The following MAD1L1 variants were observed in gnomAD, a reference collection of about 807,000 sequenced individuals.
MAD1L1 encodes mitotic spindle assembly checkpoint protein MAD1.
MAD1L1 carries 95 observed loss-of-function variants against 96.9 expected under a neutral mutation model. The observed-to-expected ratio is 0.98, with a 90% CI of 0.83 to 1.16. The LOEUF is 1.16. Among genes scored for constraint, MAD1L1 ranks in the 50% most tolerant of loss-of-function variants. MAD1L1 has a pLI of 0.00. For synonymous variants in MAD1L1, 473 were observed against 396.6 expected, an observed-to-expected ratio of 1.19 and a Z score of -2.29; for missense variants, 1,007 against 954.4, an observed-to-expected ratio of 1.06 and a Z score of -0.73.
chr7:1,860,992 C>A (rs373455791), intron 18 of MAD1L1, among the ~76,000 whole-genome samples: 1 of 152,200 alleles, frequency 6.6e-6, no homozygotes, highest in South Asian at 2.1e-4. Context: ...GCAGCTGCCC[C>A]GATGGAGTCC....
intron 11 of MAD1L1, among the ~76,000 whole-genome samples, chr7:2,115,677 C>A (rs1010378642): frequency 6.6e-6 from 1 of 152,252 alleles, no homozygotes; most frequent in South Asian, 2.1e-4. Flanking sequence ...TGTGGACACT[C>A]AGTCTGCATG....
At chr7:1,864,701 G>A (rs182611529) in intron 18 of MAD1L1, among the ~76,000 whole-genome samples, 2 of 152,314 alleles carry the variant, frequency 1.3e-5, no homozygotes, top group Admixed American at 6.5e-5. Flanking sequence ...CCTAACCGGA[G>A]GTGTTTGGCC....
chr7:1,874,170 G>A (rs937527402), intron 18 of MAD1L1, among the ~76,000 whole-genome samples: 1 of 152,204 alleles, frequency 6.6e-6, no homozygotes. Context: ...AGCAGACAGT[G>A]GCTGGCGCCA....
chr7:1,874,692 C>G, intron 18 of MAD1L1: 1 of 367,632 alleles, frequency 2.7e-6, no homozygotes, highest in South Asian at 2.1e-5. Flanking sequence ...GCTACCTGCT[C>G]GATTGGGGCC....
At position 1,855,476 on chromosome 7, in the gene MAD1L1, G is replaced by A. The variant is rs1369085193; in HGVS notation, c.1999-39248C>T. Among the ~76,000 whole-genome samples the A allele has an allele frequency of 2.0e-5, 3 of 152,146 alleles. No individual in the cohort carries two copies. In the East Asian group the frequency reaches 5.8e-4, roughly 30 times the overall value. Reference sequence around the variant, plus strand: ...AGGCTGCACCTCAACGCCTGGCCTGGAAAGAGCTGTGGCCAAATCTCCAGT... The same window carrying A: ...AGGCTGCACCTCAACGCCTGGCCTGAAAAGAGCTGTGGCCAAATCTCCAGT... On this transcript the variant is annotated intron_variant, in intron 18 of 18. Coordinates refer to ENST00000265854, the MANE Select transcript of MAD1L1 (RefSeq NM_001013836.2).
At chr7:1,913,211 CG>C (rs1788132216) in intron 17 of MAD1L1, among the ~76,000 whole-genome samples, 1 of 152,010 alleles carries the variant, frequency 6.6e-6, no homozygotes, top group African/African-American at 2.4e-5. Context: ...GCAGGAGACT[CG>C]GGAAGAGGAC....
chr7:2,219,391 C>CCGCATCTCCTGGTCCATCA lies in MAD1L1; in HGVS notation c.518_536dup (p.Val180AspfsTer53). On this transcript the variant is annotated frameshift_variant, in exon 6 of 19. Coordinates refer to ENST00000265854, the MANE Select transcript of MAD1L1 (RefSeq NM_001013836.2). LOFTEE classifies it high-confidence loss of function. Reference sequence around the variant, plus strand: ...GCTTCTCCGACTCCAGGCGCTTCACCCGCATCTCCTGGTCCATCACGCTCC... The same window carrying CCGCATCTCCTGGTCCATCA: ...GCTTCTCCGACTCCAGGCGCTTCACCCGCATCTCCTGGTCCATCACGCATCTCCTGGTCCATCACGCTCC... 6.2e-7 allele frequency: 1 copy of CCGCATCTCCTGGTCCATCA among 1,610,998 alleles called. No individual in the cohort carries two copies. The highest frequency in any genetic ancestry group is 1.1e-5 in the South Asian group (1 of 90,216).
intron 10 of MAD1L1, among the ~76,000 whole-genome samples, chr7:2,166,131 G>T (rs191842965): frequency 6.6e-6 from 1 of 152,184 alleles, no homozygotes; most frequent in East Asian, 1.9e-4. Flanking sequence ...CTGTGACGTG[G>T]TCCATCCAGA....
At chr7:2,187,915 CAATAAT>C (rs1791536531) in intron 10 of MAD1L1, among the ~76,000 whole-genome samples, 1 of 152,124 alleles carries the variant, frequency 6.6e-6, no homozygotes, top group South Asian at 2.1e-4. Context: ...TATTTGTTGA[CAATAAT>C]AAAACTCAAG....
At chr7:1,906,235 C>G (rs73048140) in intron 17 of MAD1L1, among the ~76,000 whole-genome samples, 5,077 of 152,242 alleles carry the variant, frequency 0.033, 197 homozygotes, top group Admixed American at 0.096. Flanking sequence ...GAACCCCAAG[C>G]AGCCTCTTCC....
At chr7:1,825,502 T>C (rs1562429232) in intron 18 of MAD1L1, among the ~76,000 whole-genome samples, 1 of 152,254 alleles carries the variant, frequency 6.6e-6, no homozygotes, top group African/African-American at 2.4e-5. Context: ...CTACCTGTCA[T>C]AGGGCTGCTG....
chr7:2,230,520 G>C (rs1442779755), intron 2 of MAD1L1, 29 bp downstream of exon 2: 1 of 194,028 alleles, frequency 5.2e-6, no homozygotes, highest in Admixed American at 5.3e-5. Context: ...AGACACAAGA[G>C]AAGGGCTTTA....
intron 12 of MAD1L1, among the ~76,000 whole-genome samples, chr7:2,022,321 T>C (rs1053305695): frequency 3.3e-5 from 5 of 152,210 alleles, no homozygotes; most frequent in African/African-American, 1.2e-4. Flanking sequence ...CTTAGATTCA[T>C]GCTAAATGTA....
intron 10 of MAD1L1, among the ~76,000 whole-genome samples, chr7:2,165,650 A>G (rs76301350): frequency 0.019 from 1,769 of 93,984 alleles, 12 homozygotes; most frequent in Admixed American, 0.042. Flanking sequence ...CCACGGCACG[A>G]AACGACCAAA....
At chr7:2,143,926 C>T (rs181333957) in intron 11 of MAD1L1, among the ~76,000 whole-genome samples, 2 of 152,334 alleles carry the variant, frequency 1.3e-5, no homozygotes, top group Admixed American at 6.5e-5. Context: ...TCTCAGCCGG[C>T]TCTACCTTAA....
chr7:2,125,896 T>A (rs1265659906), intron 11 of MAD1L1, among the ~76,000 whole-genome samples: 1 of 152,260 alleles, frequency 6.6e-6, no homozygotes, highest in Non-Finnish European at 1.5e-5. Context: ...TTTTAAGCGT[T>A]GAGCCAGCAC....
At chr7:2,205,571 G>A (rs1464896713) in intron 10 of MAD1L1, among the ~76,000 whole-genome samples, 4 of 151,990 alleles carry the variant, frequency 2.6e-5, no homozygotes, top group East Asian at 1.9e-4. Context: ...GCCGCTGCCC[G>A]CCAAAACACC....
chr7:2,219,070 G>T (rs1268423543), intron 6 of MAD1L1, among the ~76,000 whole-genome samples: 3 of 152,092 alleles, frequency 2.0e-5, no homozygotes, highest in Non-Finnish European at 4.4e-5. Context: ...AAAAAATAAA[G>T]TAAAATCTGG....
At chr7:2,100,344 G>C (rs553794158) in intron 11 of MAD1L1, among the ~76,000 whole-genome samples, 2 of 152,312 alleles carry the variant, frequency 1.3e-5, no homozygotes, top group East Asian at 1.9e-4. Context: ...TTGACCTTGA[G>C]CCTTCTGACA....
Sources: allele counts gnomAD v4.1 joint callset (sites outside exome capture counted in the v4.1 genomes callset), GRCh38; gene constraint gnomAD v4.1.1; transcripts MANE v1.5; gene names NCBI Gene and HGNC (gene_info 2026-07-23, HGNC 2026-07-21).